RNLS: variants seen among roughly 807,000 people sequenced by gnomAD.
RNLS encodes renalase, FAD dependent amine oxidase.
RNLS carries 39 observed loss-of-function variants against 39.8 expected under a neutral mutation model. The observed-to-expected ratio is 0.98, with a 90% CI of 0.76 to 1.28. The LOEUF (loss-of-function observed/expected upper bound fraction) is 1.28. RNLS is among the 50% of genes most tolerant of loss of function. The probability of loss-of-function intolerance (pLI) is 0.00; values close to 1 mark genes in which losing one functional copy is unlikely to be tolerated. For missense variants in RNLS, 410 were observed against 413.3 expected (o/e 0.99, Z 0.07); for synonymous variants, 147 against 150.7 (o/e 0.98, Z 0.18).
In RNLS at chr10:88,290,713, C is replaced by T. The variant is rs568326444; in HGVS notation, c.877-5207G>A. ...GCTCGCATTTAGAGATGGACTTCTC[C>T]GAACCACTCTTTAACTCAGACATGC... On this transcript the variant is annotated intron_variant, in intron 6 of 6. Transcript: ENST00000331772. Among the ~76,000 whole-genome samples the T allele has an allele frequency of 2.6e-5, 4 of 152,286 alleles. No individual in the cohort carries two copies. The East Asian group carries it at 7.7e-4, about 29-fold the overall frequency.
At chr10:88,568,819 C>T (rs1391319489) in intron 4 of RNLS, among the ~76,000 whole-genome samples, 1 of 152,164 alleles carries the variant, frequency 6.6e-6, no homozygotes, top group Non-Finnish European at 1.5e-5. Context: ...ACATTCGTTG[C>T]TCTGTTCCAG....
intron 3 of RNLS, among the ~76,000 whole-genome samples, chr10:88,580,227 T>G (rs1369654143): frequency 1.3e-5 from 2 of 152,174 alleles, no homozygotes; most frequent in African/African-American, 4.8e-5. Flanking sequence ...TACACATGCA[T>G]GCACACATAC....
At chr10:88,383,796 AT>A (rs1370467918) in intron 4 of RNLS, among the ~76,000 whole-genome samples, 1 of 152,184 alleles carries the variant, frequency 6.6e-6, no homozygotes, top group African/African-American at 2.4e-5. Context: ...ATCAACAGAT[AT>A]TAGTATTTGA....
At chr10:88,431,375 A>G (rs2133809620) in intron 4 of RNLS, among the ~76,000 whole-genome samples, 1 of 151,824 alleles carries the variant, frequency 6.6e-6, no homozygotes, top group South Asian at 2.1e-4. Flanking sequence ...TTTCATGATC[A>G]GTCTGGCTAG....
chr10:88,358,077 C>G (rs1439472436), intron 5 of RNLS, among the ~76,000 whole-genome samples: 4 of 152,210 alleles, frequency 2.6e-5, no homozygotes, highest in Non-Finnish European at 2.9e-5. Context: ...GAACCAGAAT[C>G]TGAATGTAGG....
chr10:88,389,463 GA>G (rs1317574298), intron 4 of RNLS, among the ~76,000 whole-genome samples: 10 of 152,166 alleles, frequency 6.6e-5, no homozygotes, highest in African/African-American at 2.4e-4. Context: ...TCATTCTATA[GA>G]GATTTAAAAG....
chr10:88,479,559 TATCATC>T (rs144311412), intron 4 of RNLS, among the ~76,000 whole-genome samples: 7 of 151,860 alleles, frequency 4.6e-5, no homozygotes, highest in Non-Finnish European at 7.4e-5. Context: ...GAAATATCAG[TATCATC>T]ATCATCATCA....
intron 4 of RNLS, among the ~76,000 whole-genome samples, chr10:88,540,192 G>A (rs931569198): frequency 2.6e-5 from 4 of 152,066 alleles, no homozygotes; most frequent in Admixed American, 6.6e-5. Flanking sequence ...ACAAGATCAC[G>A]TATTCCTCCA....
intron 4 of RNLS, among the ~76,000 whole-genome samples, chr10:88,415,865 G>A (rs1242372007): frequency 1.3e-5 from 2 of 152,162 alleles, no homozygotes; most frequent in African/African-American, 4.8e-5. Flanking sequence ...AGGTGGTGGA[G>A]GAGAAGATAT....
intron 4 of RNLS, among the ~76,000 whole-genome samples, chr10:88,399,159 T>C (rs945058578): frequency 6.6e-6 from 1 of 151,924 alleles, no homozygotes; most frequent in Non-Finnish European, 1.5e-5. Flanking sequence ...TATAGTGTCA[T>C]TGGAACCCTC....
At chr10:88,439,791 G>A (rs530834327) in intron 4 of RNLS, among the ~76,000 whole-genome samples, 5 of 152,168 alleles carry the variant, frequency 3.3e-5, no homozygotes, top group Non-Finnish European at 5.9e-5. Context: ...TCCACATCCA[G>A]GTCTTGCTTT....
the RNLS span, among the ~76,000 whole-genome samples, chr10:88,179,101 G>A: frequency 1.3e-5 from 2 of 152,204 alleles, no homozygotes; most frequent in African/African-American, 4.8e-5. Flanking sequence ...TGGAACTTAT[G>A]TAACAGTAAA....
Position 88,285,250 on chromosome 10 carries a change from T to C in RNLS, c.*104A>G, listed in dbSNP as rs1459342795. 4 of 1,411,828 alleles carry C rather than the reference T, an allele frequency of 2.8e-6. No homozygotes were observed. Among genetic ancestry groups the C allele is most frequent in the African/African-American group, 2.9e-5 (2 of 68,746 alleles). 87.5% of individuals were successfully genotyped at this position (1,411,828 alleles called of 1,614,324 possible). ...AAAAATGATAATAAGTGAAGAACAA[T>C]TTTCCAGTAATTTTTCTTAGCAAAA... On this transcript the variant is annotated 3_prime_UTR_variant, in exon 7 of 7. Coordinates refer to ENST00000331772, the MANE Select transcript of RNLS (RefSeq NM_001031709.3).
At chr10:88,442,457 A>G (rs145805173) in intron 4 of RNLS, among the ~76,000 whole-genome samples, 7 of 152,114 alleles carry the variant, frequency 4.6e-5, no homozygotes, top group Non-Finnish European at 8.8e-5. Context: ...CAACACCTCC[A>G]CTTTTGTTTC....
intron 2 of RNLS, 63 bp downstream of exon 2, chr10:88,582,139 C>G: frequency 7.7e-7 from 1 of 1,294,088 alleles, no homozygotes; most frequent in Non-Finnish European, 1.1e-6. Flanking sequence ...ATCTAATCTT[C>G]ACAACAACCC....
At chr10:88,448,542 A>G (rs914256596) in intron 4 of RNLS, among the ~76,000 whole-genome samples, 1 of 152,188 alleles carries the variant, frequency 6.6e-6, no homozygotes, top group East Asian at 1.9e-4. Context: ...ACACTTTTAC[A>G]CTGTTGGTGG....
chr10:88,244,531 A>C, the RNLS span, among the ~76,000 whole-genome samples: 11 of 152,196 alleles, frequency 7.2e-5, no homozygotes, highest in Non-Finnish European at 1.3e-4. Context: ...GTGTTTCTTT[A>C]GAGTGGGCAG....
intron 4 of RNLS, among the ~76,000 whole-genome samples, chr10:88,455,956 G>A (rs1448723900): frequency 4.6e-5 from 7 of 152,204 alleles, no homozygotes; most frequent in Non-Finnish European, 1.5e-5. Context: ...CTTAGCTCCA[G>A]TGAGCATCGA....
At chr10:88,174,251 T>C in the RNLS span, among the ~76,000 whole-genome samples, 4 of 152,052 alleles carry the variant, frequency 2.6e-5, no homozygotes, top group Non-Finnish European at 4.4e-5. Flanking sequence ...TTTTTTTTCT[T>C]TTGCATGATT....
Sources: gnomAD v4.1 joint callset for allele counts (sites outside exome capture counted in the v4.1 genomes callset) on GRCh38, gnomAD v4.1.1 for gene constraint, MANE v1.5 for transcripts, NCBI Gene and HGNC (gene_info 2026-07-23, HGNC 2026-07-21) for gene names.